TRAPPC9: variants seen among roughly 807,000 people sequenced by gnomAD.
TRAPPC9 encodes the protein IKK2 binding protein.
A neutral mutation model predicts 124.0 loss-of-function variants in TRAPPC9; 83 were observed. That is an observed-to-expected ratio of 0.67 (90% CI 0.56 to 0.80). The LOEUF (loss-of-function observed/expected upper bound fraction) is 0.80, where lower values mean the gene tolerates loss of function less well. Among genes scored for constraint, TRAPPC9 ranks in the 30% least tolerant of loss-of-function variants. The probability of loss-of-function intolerance (pLI) is 0.00; values close to 1 mark genes in which losing one functional copy is unlikely to be tolerated. For synonymous variants in TRAPPC9, 638 were observed against 617.5 expected (o/e 1.03, Z -0.49); for missense variants, 1,302 against 1,508.3 (o/e 0.86, Z 2.27).
intron 21 of TRAPPC9, among the ~76,000 whole-genome samples, chr8:139,808,812 T>C (rs1205752656): frequency 6.6e-6 from 1 of 152,266 alleles, no homozygotes; most frequent in Non-Finnish European, 1.5e-5. Context: ...TTTTTCTGGC[T>C]GAGTAGTATT....
At chr8:140,045,056 G>A (rs980258579) in intron 17 of TRAPPC9, among the ~76,000 whole-genome samples, 6 of 152,178 alleles carry the variant, frequency 3.9e-5, no homozygotes, top group East Asian at 3.8e-4. Flanking sequence ...CAAAACCAGA[G>A]CCAAGTCACC....
At chr8:140,296,081 C>T (rs1488303858) in intron 11 of TRAPPC9, among the ~76,000 whole-genome samples, 1 of 152,122 alleles carries the variant, frequency 6.6e-6, no homozygotes, top group Non-Finnish European at 1.5e-5. Flanking sequence ...CACTGATAAG[C>T]TATCTGACCT....
chr8:140,439,104 G>T lies in TRAPPC9; in HGVS notation c.678C>A (p.Tyr226Ter). 1 of 1,614,194 alleles carries T rather than the reference G, an allele frequency of 6.2e-7. No individual in the cohort carries two copies. The highest frequency in any genetic ancestry group is 8.5e-7 in the Non-Finnish European group (1 of 1,180,040). ...AGMLQDSLVH[Y>*]HMSVELLRSV... is the part of the protein sequence containing the mutation. ...AACGCAGCAGCTCCACCGACATGTG[G>T]TAATGCACCAGGGAGTCCTGCAGCA... Residue 226 changes from tyrosine to a stop codon, truncating the protein, a stop_gained, in exon 3 of 23, where the codon TAC becomes TAA. Transcript: ENST00000438773. LOFTEE classifies it high-confidence loss of function.
intron 20 of TRAPPC9, among the ~76,000 whole-genome samples, chr8:139,897,785 T>A (rs1300433462): frequency 6.6e-6 from 1 of 152,162 alleles, no homozygotes; most frequent in Non-Finnish European, 1.5e-5. Flanking sequence ...CTCCCATGAA[T>A]CCGTGTTTCC....
chr8:140,338,290 G>A (rs1016463011), intron 9 of TRAPPC9, among the ~76,000 whole-genome samples: 5 of 152,130 alleles, frequency 3.3e-5, no homozygotes, highest in African/African-American at 1.2e-4. Flanking sequence ...GGAGGCACAG[G>A]GGAGGTCTTC....
intron 11 of TRAPPC9, among the ~76,000 whole-genome samples, chr8:140,293,112 A>C (rs971178890): frequency 6.7e-6 from 1 of 148,574 alleles, no homozygotes; most frequent in African/African-American, 2.6e-5. Flanking sequence ...ACACATGAAA[A>C]AATGCTCACC....
intron 21 of TRAPPC9, among the ~76,000 whole-genome samples, chr8:139,789,390 C>A (rs967783613): frequency 1.3e-5 from 2 of 152,192 alleles, no homozygotes; most frequent in African/African-American, 4.8e-5. Context: ...TGCACGCTGC[C>A]CCTCGGTGTG....
At chr8:139,859,235 G>C (rs1263918739) in intron 21 of TRAPPC9, among the ~76,000 whole-genome samples, 5 of 151,838 alleles carry the variant, frequency 3.3e-5, no homozygotes, top group Non-Finnish European at 5.9e-5. Context: ...GTGACCTGAG[G>C]GGTCTCTCCG....
At chr8:140,094,702 T>G (rs1844810861) in intron 17 of TRAPPC9, among the ~76,000 whole-genome samples, 1 of 152,166 alleles carries the variant, frequency 6.6e-6, no homozygotes, top group Non-Finnish European at 1.5e-5. Context: ...CACGGTGCCC[T>G]GGCAAGCAAG....
intron 17 of TRAPPC9, among the ~76,000 whole-genome samples, chr8:140,195,788 A>C (rs1191037298): frequency 6.6e-6 from 1 of 151,962 alleles, no homozygotes; most frequent in African/African-American, 2.4e-5. Flanking sequence ...AACACATTGA[A>C]CAATTCACAT....
At chr8:139,995,861 T>TAAAAAA (rs35970083) in intron 18 of TRAPPC9, among the ~76,000 whole-genome samples, 1 of 96,888 alleles carries the variant, frequency 1.0e-5, no homozygotes, top group African/African-American at 4.6e-5. Flanking sequence ...TACTCTGCAT[T>TAAAAAA]AAAAAAAAAA....
intron 9 of TRAPPC9, among the ~76,000 whole-genome samples, chr8:140,319,872 G>C (rs2066547827): frequency 6.6e-6 from 1 of 152,184 alleles, no homozygotes; most frequent in African/African-American, 2.4e-5. Context: ...ATGATTTACG[G>C]CCATTTAAAT....
upstream of TRAPPC9, chr8:140,457,872 G>A (rs183486455): frequency 2.0e-4 from 207 of 1,032,284 alleles, 1 homozygote; most frequent in African/African-American, 2.9e-3. Flanking sequence ...GAGGAAGGAG[G>A]AGCGAGGGAG....
In TRAPPC9 at chr8:139,776,814, T is replaced by C. The variant is rs1821424598; in HGVS notation, c.3056-44612A>G. 6.6e-6 allele frequency among the ~76,000 whole-genome samples: 1 copy of C among 152,214 alleles called. No homozygotes were observed. Among genetic ancestry groups the C allele is most frequent in the South Asian group, 2.1e-4 (1 of 4,830 alleles). The stretch of plus-strand genomic sequence containing the variant: ...AGTTCCTCAGGGAAAACAAAAATGA[T>C]TCTGAGGCAATAAAAGCCAAAGTCC... On this transcript the variant is annotated intron_variant, in intron 21 of 22. Coordinates refer to ENST00000438773, the MANE Select transcript of TRAPPC9 (RefSeq NM_001160372.4). This position sits in a 1 kb window ranked among gnomAD's most constrained non-coding sequence, Gnocchi z 4.1.
intron 1 of TRAPPC9, among the ~76,000 whole-genome samples, chr8:140,456,436 A>G (rs2071669461): frequency 2.0e-5 from 3 of 151,554 alleles, no homozygotes; most frequent in African/African-American, 4.9e-5. Context: ...AAGAAAAATC[A>G]CTGAATTGTA....
chr8:139,939,432 T>C (rs1006240240), intron 19 of TRAPPC9, among the ~76,000 whole-genome samples: 2 of 151,674 alleles, frequency 1.3e-5, no homozygotes, highest in Non-Finnish European at 2.9e-5. Context: ...CAGAAGGAGG[T>C]GGTCCAGCAC....
chr8:139,947,725 G>A lies in TRAPPC9; in HGVS notation c.2811-37425C>T, dbSNP rs149279138. ...AAATAAAAATAAAAAAAAATTAGCC[G>A]GTCATGGTGGCGGGCACCTGTAATC... On this transcript the variant is annotated intron_variant, in intron 19 of 22. Coordinates refer to ENST00000438773, the MANE Select transcript of TRAPPC9 (RefSeq NM_001160372.4). 4.5e-3 allele frequency among the ~76,000 whole-genome samples: 683 copies of A among 150,692 alleles called. 4 individuals carry two copies. Among genetic ancestry groups the A allele is most frequent in the African/African-American group, 0.015 (603 of 40,938 alleles).
At chr8:140,193,972 A>G (rs1432714374) in intron 17 of TRAPPC9, among the ~76,000 whole-genome samples, 1 of 152,246 alleles carries the variant, frequency 6.6e-6, no homozygotes, top group Non-Finnish European at 1.5e-5. Context: ...CAAAAAGCAG[A>G]TTCAGAAAAC....
chr8:139,864,002 C>G (rs1424949036), intron 21 of TRAPPC9, among the ~76,000 whole-genome samples: 1 of 152,196 alleles, frequency 6.6e-6, no homozygotes, highest in African/African-American at 2.4e-5. Flanking sequence ...CAGCACCGCC[C>G]ACCAGTGGGA....
Sources: gnomAD v4.1 joint callset for allele counts (sites outside exome capture counted in the v4.1 genomes callset) on GRCh38, gnomAD v4.1.1 for gene constraint, Gnocchi (gnomAD v3.1) non-coding constraint, MANE v1.5 for transcripts, NCBI Gene and HGNC (gene_info 2026-07-23, HGNC 2026-07-21) for gene names.